Variants in SEC24B observed in about 807,000 individuals in gnomAD.
SEC24B encodes the protein SEC24 homolog B, COPII component.
SEC24B carries 45 observed loss-of-function variants against 142.8 expected under a neutral mutation model. That is an observed-to-expected ratio of 0.32 (90% confidence interval 0.25 to 0.40). SEC24B has a LOEUF of 0.40. SEC24B is among the 10% of genes least tolerant of loss of function. The probability of loss-of-function intolerance (pLI) is 1.00; values close to 1 mark genes in which losing one functional copy is unlikely to be tolerated. For synonymous variants in SEC24B, 574 were observed against 568.2 expected (o/e 1.01, Z -0.15); for missense variants, 1,409 against 1,526.8 (o/e 0.92, Z 1.29).
intron 22 of SEC24B, among the ~76,000 whole-genome samples, chr4:109,534,478 T>A (rs1725285055): frequency 3.3e-5 from 5 of 151,716 alleles, no homozygotes; most frequent in Admixed American, 3.3e-4. Context: ...TCCCAGCTAC[T>A]CTGGAGGCTG....
At chr4:109,457,876 C>T (rs1452969099) in intron 1 of SEC24B, among the ~76,000 whole-genome samples, 1 of 152,166 alleles carries the variant, frequency 6.6e-6, no homozygotes, top group Admixed American at 6.5e-5. Context: ...AGAGAGGCTC[C>T]TCTTCCCCAG....
At chr4:109,466,586 A>G (rs1408794506) in intron 2 of SEC24B, among the ~76,000 whole-genome samples, 1 of 151,974 alleles carries the variant, frequency 6.6e-6, no homozygotes, top group South Asian at 2.1e-4. Context: ...AATTTTTTAT[A>G]TTTTTAGTAG....
intron 1 of SEC24B, among the ~76,000 whole-genome samples, chr4:109,461,044 ATACT>A (rs1731204527): frequency 6.6e-6 from 1 of 152,170 alleles, no homozygotes. Context: ...CCTGGGGGAA[ATACT>A]TACAGCACAT....
chr4:109,538,791 A>C (rs552974050), intron 23 of SEC24B, among the ~76,000 whole-genome samples, 195 bp downstream of exon 23: 11 of 151,752 alleles, frequency 7.2e-5, no homozygotes, highest in Admixed American at 3.9e-4. Context: ...TTCTTTCTTT[A>C]TTTAATTTGA....
chr4:109,518,110 G>C (rs1238443887), intron 11 of SEC24B, among the ~76,000 whole-genome samples: 1 of 152,032 alleles, frequency 6.6e-6, no homozygotes, highest in Non-Finnish European at 1.5e-5. Context: ...TGGGATTACA[G>C]GCACCCACCA....
chr4:109,506,451 C>A lies in SEC24B; in HGVS notation c.1612C>A (p.Pro538Thr). The A allele has an allele frequency of 6.2e-7, 1 of 1,608,968 alleles. No individual in the cohort carries two copies. Among genetic ancestry groups the A allele is most frequent in the Non-Finnish European group, 8.5e-7 (1 of 1,177,352 alleles). ...TQERNILPMT[P>T]VWAPVPNLNA... is the part of the protein sequence containing the mutation. ...GGAGAGGAATATTTTACCTATGACT[C>A]CTGTTTGGGCTCCTGTACCTAACTT... Residue 538 changes from proline (P) to threonine (T), a missense_variant, in exon 7 of 24, where the codon CCT becomes ACT. Physicochemically the swap from Pro to Thr is conservative, Grantham distance 38. Coordinates refer to ENST00000265175, the MANE Select transcript of SEC24B (RefSeq NM_006323.5).
chr4:109,465,508 C>G (rs1731770171), intron 2 of SEC24B, among the ~76,000 whole-genome samples: 1 of 152,204 alleles, frequency 6.6e-6, no homozygotes, highest in South Asian at 2.1e-4. Flanking sequence ...CTGTCTCCCT[C>G]AGAACCAGGG....
chr4:109,502,025 T>G (rs1373483195), intron 6 of SEC24B, among the ~76,000 whole-genome samples: 1 of 152,112 alleles, frequency 6.6e-6, no homozygotes, highest in African/African-American at 2.4e-5. Flanking sequence ...GGGGTGAAAA[T>G]GTGGAGTAGG....
intron 1 of SEC24B, among the ~76,000 whole-genome samples, chr4:109,445,698 T>C (rs1729389684): frequency 6.6e-6 from 1 of 151,920 alleles, no homozygotes; most frequent in Non-Finnish European, 1.5e-5. Flanking sequence ...CCTCCCAAGT[T>C]ACTGGGACTA....
rs200484889 is a variant in SEC24B at position 109,481,745 on chromosome 4, G to A, written c.1129G>A (p.Asp377Asn). Residue 377 changes from aspartate to asparagine, a missense_variant, in exon 4 of 24, where the codon GAT becomes AAT. Transcript: ENST00000265175. ...SAPTPLSSTS[D>N]DEEEEEEDEE... ...ACCAACTCCCTTGTCATCAACTTCC[G>A]ATGATGAGGAAGAGGAGGAGGAGGA... 1.9e-5 allele frequency: 31 copies of A among 1,613,660 alleles called. No individual in the cohort carries two copies. The highest frequency in any genetic ancestry group is 1.7e-5 in the Admixed American group (1 of 59,980).
chr4:109,491,318 T>TAAACA lies in SEC24B; in HGVS notation c.1166-9_1166-8insAAACA. ...TTAAACCTAGTAGATATTTTGGTTT[T>TAAACA]CCTTTTAGGTGTTGACAGCTCTTCT... is the stretch of plus-strand genomic sequence containing the variant. On this transcript the variant is annotated splice_polypyrimidine_tract_variant and intron_variant, in intron 4 of 23. Transcript: ENST00000265175. 1 of 1,606,924 alleles carries TAAACA rather than the reference T, an allele frequency of 6.2e-7. No homozygotes were observed.
intron 3 of SEC24B, 26 bp from the exon 4 acceptor site, chr4:109,481,651 T>G (rs1256723955): frequency 1.9e-5 from 29 of 1,530,866 alleles, no homozygotes; most frequent in Non-Finnish European, 2.4e-5. Context: ...GGTTTGACTC[T>G]TATGTTTGTG....
intron 14 of SEC24B, among the ~76,000 whole-genome samples, chr4:109,522,551 A>G (rs1027596335): frequency 2.0e-5 from 3 of 152,366 alleles, no homozygotes; most frequent in African/African-American, 7.2e-5. Flanking sequence ...GTTCTTTTCT[A>G]TTACGTAAGT....
intron 4 of SEC24B, among the ~76,000 whole-genome samples, chr4:109,487,550 G>C (rs1347153633): frequency 6.6e-6 from 1 of 152,188 alleles, no homozygotes; most frequent in African/African-American, 2.4e-5. Flanking sequence ...AATTAGTAAA[G>C]GCTGTTTCTA....
intron 23 of SEC24B, 142 bp from the exon 24 acceptor site, chr4:109,539,419 T>C (rs1561198812): frequency 9.4e-6 from 6 of 637,564 alleles, no homozygotes; most frequent in South Asian, 3.6e-5. Flanking sequence ...TTTTAAAATA[T>C]ATACTATTTT....
In SEC24B at chr4:109,539,454, T is replaced by A. The variant is rs575705559; in HGVS notation, c.3693-107T>A. The A allele has an allele frequency of 2.9e-4, 202 of 689,500 alleles. 3 individuals carry two copies. In the South Asian group the frequency reaches 3.3e-3, roughly 11 times the overall value. The allele number at this position is 689,500 out of a possible 1,614,324, so 42.7% of individuals were successfully genotyped here. Reference sequence around the variant, plus strand: ...TTAGAAATATGCACTTTTATTTTATTTGTATAAATTTACAGGATACAAGTG... The same window carrying A: ...TTAGAAATATGCACTTTTATTTTATATGTATAAATTTACAGGATACAAGTG... On this transcript the variant is annotated intron_variant, in intron 23 of 23. Coordinates refer to ENST00000265175, the MANE Select transcript of SEC24B (RefSeq NM_006323.5).
intron 14 of SEC24B, 56 bp downstream of exon 14, chr4:109,521,682 C>A: frequency 8.0e-7 from 1 of 1,256,398 alleles, no homozygotes; most frequent in Non-Finnish European, 1.1e-6. Context: ...TTTGTTTATT[C>A]TATTTCATTA....
intron 19 of SEC24B, among the ~76,000 whole-genome samples, chr4:109,530,950 A>G (rs561103368): frequency 2.4e-4 from 36 of 152,134 alleles, no homozygotes; most frequent in African/African-American, 8.4e-4. Flanking sequence ...GAAGGTATAC[A>G]AATACATGAT....
intron 20 of SEC24B, 128 bp downstream of exon 20, chr4:109,531,650 A>AT (rs1724945846): frequency 1.6e-6 from 1 of 624,898 alleles, no homozygotes; most frequent in African/African-American, 1.8e-5. Context: ...TGTGGTAGTA[A>AT]TACATTAAAT....
Sources: allele counts gnomAD v4.1 joint callset (sites outside exome capture counted in the v4.1 genomes callset), GRCh38; gene constraint gnomAD v4.1.1; transcripts MANE v1.5; gene names NCBI Gene and HGNC (gene_info 2026-07-23, HGNC 2026-07-21).